MACROD2: variants seen among roughly 807,000 people sequenced by gnomAD.
MACROD2 encodes the protein mono-ADP ribosylhydrolase 2.
Under a neutral mutation model 70.4 loss-of-function variants are expected in MACROD2, and 36 were observed. That is an observed-to-expected ratio of 0.51 (90% confidence interval 0.39 to 0.68). The LOEUF is 0.68. MACROD2 is among the 30% of genes least tolerant of loss of function. MACROD2 has a pLI of 0.00. For synonymous variants in MACROD2, 172 were observed against 178.8 expected (o/e 0.96, Z 0.30); for missense variants, 496 against 538.4 (o/e 0.92, Z 0.78).
At chr20:15,906,437 C>T (rs2065147979) in intron 10 of MACROD2, among the ~76,000 whole-genome samples, 1 of 152,184 alleles carries the variant, frequency 6.6e-6, no homozygotes, top group Non-Finnish European at 1.5e-5. Context: ...CTGTTTCTAT[C>T]CCCAAACATT....
At chr20:14,073,411 G>T (rs1298689925) in intron 2 of MACROD2, among the ~76,000 whole-genome samples, 2 of 151,970 alleles carry the variant, frequency 1.3e-5, no homozygotes, top group Admixed American at 6.6e-5. Context: ...TGGTTGAAAG[G>T]AGAATTTAAA....
At chr20:15,389,223 A>G (rs2045759900) in intron 6 of MACROD2, among the ~76,000 whole-genome samples, 1 of 152,216 alleles carries the variant, frequency 6.6e-6, no homozygotes, top group Non-Finnish European at 1.5e-5. Context: ...GTTAAATTTG[A>G]ATTTCAGATA....
intron 6 of MACROD2, among the ~76,000 whole-genome samples, chr20:15,265,527 A>AT (rs1340375748): frequency 1.3e-5 from 2 of 151,896 alleles, no homozygotes; most frequent in South Asian, 4.2e-4. Context: ...CATGTGACTC[A>AT]TTTTTTTTCG....
In MACROD2 at chr20:14,085,664, T is replaced by A; in HGVS notation, c.207T>A (p.Thr69=). The part of the protein sequence containing the change: ...QETSQVKKSL[T]EKVSLYRGDI... ...CATCCCAGGTGAAGAAAAGTTTGAC[T>A]GAAAAAGTTTCTCTCTATAGAGGTG... Residue 69 remains threonine, a synonymous_variant, in exon 3 of 18, where the codon ACT becomes ACA. Transcript: ENST00000684519. 6.3e-7 allele frequency: 1 copy of A among 1,582,040 alleles called. No individual in the cohort carries two copies. Among genetic ancestry groups the A allele is most frequent in the Non-Finnish European group, 8.6e-7 (1 of 1,163,598 alleles).
intron 5 of MACROD2, among the ~76,000 whole-genome samples, chr20:14,959,475 C>T (rs1206686793): frequency 6.6e-6 from 1 of 152,104 alleles, no homozygotes; most frequent in Non-Finnish European, 1.5e-5. Flanking sequence ...TCTTTCCCAT[C>T]CAGTCCTCTG....
intron 5 of MACROD2, among the ~76,000 whole-genome samples, chr20:14,770,689 G>T (rs185707711): frequency 2.6e-5 from 4 of 152,042 alleles, no homozygotes; most frequent in Admixed American, 2.0e-4. Context: ...TAAATACTTG[G>T]CATGTATTTA....
intron 15 of MACROD2, among the ~76,000 whole-genome samples, chr20:16,029,910 A>G (rs1036762455): frequency 6.6e-5 from 10 of 152,220 alleles, no homozygotes; most frequent in African/African-American, 2.4e-4. Context: ...AAGAGGACAT[A>G]CATAAGGCAA....
intron 3 of MACROD2, among the ~76,000 whole-genome samples, chr20:14,322,104 A>T (rs1213865012): frequency 2.1e-5 from 3 of 145,016 alleles, no homozygotes; most frequent in African/African-American, 7.5e-5. Context: ...TTAGTTTGGG[A>T]TGCATGGAAA....
At chr20:14,491,316 C>A (rs1196981943) in intron 3 of MACROD2, among the ~76,000 whole-genome samples, 1 of 152,030 alleles carries the variant, frequency 6.6e-6, no homozygotes, top group Non-Finnish European at 1.5e-5. Flanking sequence ...ATAAAATAGA[C>A]AAATTTGATG....
chr20:15,059,515 A>C (rs1239068223), intron 5 of MACROD2, among the ~76,000 whole-genome samples: 1 of 152,246 alleles, frequency 6.6e-6, no homozygotes, highest in Non-Finnish European at 1.5e-5. Flanking sequence ...ATTAGAACAA[A>C]CTATTGCTTT....
chr20:15,308,118 CA>C (rs2077715736), intron 6 of MACROD2, among the ~76,000 whole-genome samples: 1 of 152,104 alleles, frequency 6.6e-6, no homozygotes, highest in Non-Finnish European at 1.5e-5. Context: ...GGTATCTGCT[CA>C]ATTTCTTTCT....
chr20:14,861,180 C>G (rs2073312184), intron 5 of MACROD2, among the ~76,000 whole-genome samples: 1 of 152,064 alleles, frequency 6.6e-6, no homozygotes, highest in Non-Finnish European at 1.5e-5. Context: ...TTGAGCCACT[C>G]AAAGACTAGC....
intron 15 of MACROD2, among the ~76,000 whole-genome samples, chr20:16,002,435 G>C (rs6074991): frequency 0.15 from 22,326 of 152,168 alleles, 2,023 homozygotes; most frequent in East Asian, 0.24. Context: ...GTCCAGGTGA[G>C]CCCAGTGTAA....
chr20:15,384,791 G>A (rs1435580967), intron 6 of MACROD2, among the ~76,000 whole-genome samples: 1 of 152,010 alleles, frequency 6.6e-6, no homozygotes, highest in Non-Finnish European at 1.5e-5. Context: ...GAAAAGATTT[G>A]CTAACAGTAA....
At chr20:15,008,921 T>C (rs2122926588) in intron 5 of MACROD2, among the ~76,000 whole-genome samples, 1 of 152,122 alleles carries the variant, frequency 6.6e-6, no homozygotes, top group African/African-American at 2.4e-5. Context: ...GTGGGTTTAG[T>C]GGAGGAGGAG....
At chr20:15,083,123 A>G (rs1047556629) in intron 5 of MACROD2, among the ~76,000 whole-genome samples, 19 of 152,302 alleles carry the variant, frequency 1.2e-4, no homozygotes, top group Non-Finnish European at 2.2e-4. Context: ...AGTTCTACCA[A>G]TGGACTTCCT....
intron 5 of MACROD2, among the ~76,000 whole-genome samples, chr20:14,782,893 G>A (rs1169450572): frequency 2.0e-5 from 3 of 152,102 alleles, no homozygotes; most frequent in Non-Finnish European, 4.4e-5. Flanking sequence ...CACTGTTCAA[G>A]GGAAGTTACA....
At chr20:14,993,680 A>G (rs2074925764) in intron 5 of MACROD2, among the ~76,000 whole-genome samples, 1 of 152,214 alleles carries the variant, frequency 6.6e-6, no homozygotes, top group Non-Finnish European at 1.5e-5. Flanking sequence ...GTCACCTGTG[A>G]AACAACAACT....
chr20:14,148,759 C>T (rs943628069), intron 3 of MACROD2, among the ~76,000 whole-genome samples: 1 of 152,122 alleles, frequency 6.6e-6, no homozygotes, highest in Non-Finnish European at 1.5e-5. Context: ...AGCCTTTATC[C>T]TCTCTCAGCT....
Sources: allele counts gnomAD v4.1 joint callset (sites outside exome capture counted in the v4.1 genomes callset), GRCh38; gene constraint gnomAD v4.1.1; transcripts MANE v1.5; gene names NCBI Gene and HGNC (gene_info 2026-07-23, HGNC 2026-07-21).